Variants in TRHR observed in about 807,000 individuals in gnomAD.
TRHR encodes thyrotropin releasing hormone receptor.
In TRHR, 14 loss-of-function variants were observed where a neutral mutation model predicts 28.0. The observed-to-expected ratio is 0.50, with a 90% CI of 0.33 to 0.78. The LOEUF (loss-of-function observed/expected upper bound fraction) is 0.78. Ranked by LOEUF, TRHR falls within the 30% of genes least tolerant of loss-of-function variation. The pLI, the probability that TRHR is intolerant of heterozygous loss-of-function variation, is 0.02. For missense variants in TRHR, 438 were observed against 469.5 expected, an observed-to-expected ratio of 0.93 and a Z score of 0.62; for synonymous variants, 176 against 171.9, an observed-to-expected ratio of 1.02 and a Z score of -0.18.
chr8:109,108,884 C>T (rs974460485), intron 2 of TRHR, among the ~76,000 whole-genome samples: 2 of 152,160 alleles, frequency 1.3e-5, no homozygotes, highest in African/African-American at 4.8e-5. Context: ...GAAAGGCCAA[C>T]CTCTCATCAT....
At chr8:109,110,320 G>A (rs1384871388) in intron 2 of TRHR, among the ~76,000 whole-genome samples, 1 of 152,116 alleles carries the variant, frequency 6.6e-6, no homozygotes. Context: ...AGGAGTTCAA[G>A]TTTACAGTGA....
chr8:109,101,046 T>A (rs7840427), intron 2 of TRHR, among the ~76,000 whole-genome samples: 13,479 of 152,200 alleles, frequency 0.089, 951 homozygotes, highest in African/African-American at 0.2. Context: ...AAGCTTCTAA[T>A]GGCTATGGAA....
intron 2 of TRHR, among the ~76,000 whole-genome samples, chr8:109,117,518 A>G (rs1811938535): frequency 6.6e-6 from 1 of 151,804 alleles, no homozygotes; most frequent in African/African-American, 2.4e-5. Context: ...TCAATGTAGG[A>G]TGCTTTACCC....
intron 2 of TRHR, among the ~76,000 whole-genome samples, chr8:109,092,197 T>C (rs996541610): frequency 6.6e-6 from 1 of 152,028 alleles, no homozygotes; most frequent in Non-Finnish European, 1.5e-5. Flanking sequence ...GCTTCAATAA[T>C]TTTTTTCTTA....
intron 2 of TRHR, among the ~76,000 whole-genome samples, chr8:109,118,402 T>C (rs2129940187): frequency 6.6e-6 from 1 of 152,004 alleles, no homozygotes; most frequent in South Asian, 2.1e-4. Context: ...TTGGCTCCAT[T>C]TTACAGATGA....
Position 109,087,786 on chromosome 8 carries a change from G to A in TRHR, c.274G>A (p.Val92Ile). ...AACAGACAGTATCTACGGTTCCTGG[G>A]TCTATGGCTATGTTGGATGCCTCTG... ...NITDSIYGSW[V>I]YGYVGCLCIT... Residue 92 changes from valine (V) to isoleucine (I), a missense_variant, in exon 2 of 3, where the codon GTC becomes ATC. Val to Ile is a conservative substitution (Grantham distance 29, BLOSUM62 3). Transcript: ENST00000518632. 2.5e-6 allele frequency: 4 copies of A among 1,614,146 alleles called. No individual in the cohort carries two copies. Among genetic ancestry groups the A allele is most frequent in the Non-Finnish European group, 3.4e-6 (4 of 1,180,044 alleles).
chr8:109,101,379 C>G (rs1469094803), intron 2 of TRHR, among the ~76,000 whole-genome samples: 1 of 152,088 alleles, frequency 6.6e-6, no homozygotes, highest in Admixed American at 6.6e-5. Flanking sequence ...CTGTTGAGAG[C>G]CTGAATTCCA....
At chr8:109,114,195 C>T (rs1811881532) in intron 2 of TRHR, among the ~76,000 whole-genome samples, 1 of 152,036 alleles carries the variant, frequency 6.6e-6, no homozygotes, top group African/African-American at 2.4e-5. Flanking sequence ...AAGAAGATAA[C>T]ACTTAGTAGG....
At chr8:109,096,859 C>T (rs188253977) in intron 2 of TRHR, among the ~76,000 whole-genome samples, 6 of 152,086 alleles carry the variant, frequency 3.9e-5, no homozygotes, top group East Asian at 3.9e-4. Context: ...TTCATTCGTA[C>T]GGACTTAGGG....
chr8:109,116,165 A>G (rs1207310582), intron 2 of TRHR, among the ~76,000 whole-genome samples: 9 of 152,074 alleles, frequency 5.9e-5, no homozygotes, highest in South Asian at 2.1e-4. Flanking sequence ...CTTGATCATG[A>G]TGGATAAGCT....
At chr8:109,113,835 T>C (rs937166705) in intron 2 of TRHR, among the ~76,000 whole-genome samples, 14 of 152,254 alleles carry the variant, frequency 9.2e-5, no homozygotes, top group African/African-American at 3.4e-4. Flanking sequence ...ACAATAATAG[T>C]AGTTAGTAAT....
intron 2 of TRHR, among the ~76,000 whole-genome samples, chr8:109,110,959 C>T (rs1449253327): frequency 6.6e-6 from 1 of 152,212 alleles, no homozygotes; most frequent in Middle Eastern, 3.4e-3. Context: ...AGTTCCAGAC[C>T]AGCCTGGCCA....
intron 2 of TRHR, among the ~76,000 whole-genome samples, chr8:109,091,962 T>C (rs1811523062): frequency 6.6e-6 from 1 of 152,200 alleles, no homozygotes; most frequent in Non-Finnish European, 1.5e-5. Context: ...AATTCAGGGG[T>C]TCAACATTAT....
At chr8:109,095,343 T>C (rs1488884350) in intron 2 of TRHR, among the ~76,000 whole-genome samples, 1 of 151,998 alleles carries the variant, frequency 6.6e-6, no homozygotes, top group East Asian at 1.9e-4. Flanking sequence ...GAACTGGACC[T>C]ATAAAGGTGT....
intron 2 of TRHR, among the ~76,000 whole-genome samples, chr8:109,108,539 A>G (rs896728126): frequency 1.3e-5 from 2 of 152,208 alleles, no homozygotes; most frequent in African/African-American, 4.8e-5. Context: ...AAATGAAAAT[A>G]TAACCAGGAG....
intron 2 of TRHR, among the ~76,000 whole-genome samples, chr8:109,099,413 G>A (rs778013276): frequency 3.9e-5 from 6 of 152,286 alleles, no homozygotes; most frequent in East Asian, 1.9e-4. Context: ...CCAAAGACAC[G>A]TTTTAGTGGA....
chr8:109,116,566 C>T (rs887450123), intron 2 of TRHR, among the ~76,000 whole-genome samples: 1 of 152,032 alleles, frequency 6.6e-6, no homozygotes, highest in Admixed American at 6.6e-5. Flanking sequence ...TCCATTTCTT[C>T]TAGATTTTCT....
intron 2 of TRHR, among the ~76,000 whole-genome samples, chr8:109,118,567 G>A (rs1213587601): frequency 1.3e-5 from 2 of 151,776 alleles, no homozygotes; most frequent in Non-Finnish European, 2.9e-5. Context: ...AGCTGCAGTA[G>A]ATGGTTCCTG....
intron 2 of TRHR, among the ~76,000 whole-genome samples, chr8:109,101,661 T>C (rs1811679002): frequency 1.3e-5 from 2 of 152,170 alleles, no homozygotes; most frequent in South Asian, 2.1e-4. Flanking sequence ...AGAAACATAT[T>C]TCAGTAGGTT....
Sources: allele counts gnomAD v4.1 joint callset (sites outside exome capture counted in the v4.1 genomes callset), GRCh38; gene constraint gnomAD v4.1.1; transcripts MANE v1.5; gene names NCBI Gene and HGNC (gene_info 2026-07-23, HGNC 2026-07-21).